Variants in FBXW10 observed in about 807,000 individuals in gnomAD.
FBXW10 encodes F-box/WD repeat-containing protein 10.
In FBXW10, 68 loss-of-function variants were observed where a neutral mutation model predicts 113.1. The observed-to-expected ratio is 0.60, with a 90% CI of 0.49 to 0.74. FBXW10 has a LOEUF of 0.74. Among genes scored for constraint, FBXW10 ranks in the 30% least tolerant of loss-of-function variants. FBXW10 has a pLI of 0.00. For synonymous variants in FBXW10, 289 were observed against 481.6 expected (o/e 0.60, Z 5.24); for missense variants, 753 against 1,284.5 (o/e 0.59, Z 6.32).
rs1198724915 is a variant in FBXW10 at position 18,770,021 on chromosome 17, A to G, written c.1942A>G (p.Met648Val). Residue 648 changes from methionine (M) to valine (V), a missense_variant, in exon 11 of 14, where the codon ATG becomes GTG. Coordinates refer to ENST00000395665, the MANE Select transcript of FBXW10 (RefSeq NM_001267585.2). ...TTACAATTTCCTCAACGGGAACTGT[A>G]TGAAGGTGTTAAAAGCCAATGGCAG... Reference protein sequence around the residue: ...RIYNFLNGNCMKVLKANGRGD... With the variant: ...RIYNFLNGNCVKVLKANGRGD... The G allele has an allele frequency of 1.9e-6, 3 of 1,614,100 alleles. No individual in the cohort carries two copies. The highest frequency in any genetic ancestry group is 2.5e-6 in the Non-Finnish European group (3 of 1,180,052).
chr17:18,755,095 G>A (rs2035233804), intron 5 of FBXW10, among the ~76,000 whole-genome samples: 1 of 149,278 alleles, frequency 6.7e-6, no homozygotes, highest in South Asian at 2.1e-4. Flanking sequence ...AAACTCCGTC[G>A]CTGCTAAAAA....
In FBXW10 at chr17:18,744,710, A is replaced by T. The variant is rs747702974; in HGVS notation, c.466A>T (p.Ile156Phe). The T allele has an allele frequency of 6.2e-7, 1 of 1,613,864 alleles. No individual in the cohort carries two copies. The highest frequency in any genetic ancestry group is 8.5e-7 in the Non-Finnish European group (1 of 1,179,800). Residue 156 changes from isoleucine (I) to phenylalanine (F), a missense_variant, in exon 1 of 14, where the codon ATC becomes TTC. Physicochemically the swap from Ile to Phe is conservative, Grantham distance 21. Transcript: ENST00000395665. ...PKLLLTAANV[I>F]RVLFLREENN... Reference sequence around the variant, plus strand: ...ATTACTGCTCACTGCTGCCAATGTGATCAGAGTCCTGTTTCTGAGAGAGGA... The same window carrying T: ...ATTACTGCTCACTGCTGCCAATGTGTTCAGAGTCCTGTTTCTGAGAGAGGA...
chr17:18,761,788 T>C (rs1022591982), intron 7 of FBXW10, among the ~76,000 whole-genome samples: 1 of 152,206 alleles, frequency 6.6e-6, no homozygotes, highest in African/African-American at 2.4e-5. Context: ...TGTACAGTTA[T>C]AATTTTATTA....
chr17:18,751,700 A>AT, intron 5 of FBXW10, among the ~76,000 whole-genome samples: 1 of 152,306 alleles, frequency 6.6e-6, no homozygotes, highest in East Asian at 1.9e-4. Flanking sequence ...CCATCAGCCC[A>AT]TGCCTCTGGA....
chr17:18,748,393 A>G (rs904700272), intron 2 of FBXW10, among the ~76,000 whole-genome samples: 22 of 135,214 alleles, frequency 1.6e-4, no homozygotes, highest in Admixed American at 1.4e-3. Flanking sequence ...CCTGGGCAAC[A>G]GAGCGAGACT....
At chr17:18,761,548 A>G (rs562474239) in intron 7 of FBXW10, among the ~76,000 whole-genome samples, 2 of 152,260 alleles carry the variant, frequency 1.3e-5, no homozygotes, top group East Asian at 1.9e-4. Flanking sequence ...TACAGGCATG[A>G]GCCACCGCGC....
chr17:18,775,550 C>A (rs903944934), intron 13 of FBXW10, among the ~76,000 whole-genome samples: 3 of 152,178 alleles, frequency 2.0e-5, no homozygotes, highest in African/African-American at 7.2e-5. Context: ...AGCTTCCTCA[C>A]TTCTTGGACT....
Position 18,756,164 on chromosome 17 carries a change from G to A in FBXW10, c.1232+10G>A. Reference sequence around the variant, plus strand: ...GCATTCTCTCTGACACGTAGGTACTGGGGTCAGAATCTGGGTCTCTAGGGA... The same window carrying A: ...GCATTCTCTCTGACACGTAGGTACTAGGGTCAGAATCTGGGTCTCTAGGGA... On this transcript the variant is annotated intron_variant, in intron 6 of 13. Coordinates refer to ENST00000395665, the MANE Select transcript of FBXW10 (RefSeq NM_001267585.2). The A allele has an allele frequency of 6.2e-7, 1 of 1,608,634 alleles. No individual in the cohort carries two copies. The highest frequency in any genetic ancestry group is 8.5e-7 in the Non-Finnish European group (1 of 1,175,854).
intron 13 of FBXW10, among the ~76,000 whole-genome samples, chr17:18,776,789 G>T (rs764461169): frequency 1.3e-4 from 20 of 152,050 alleles, no homozygotes; most frequent in Non-Finnish European, 2.5e-4. Flanking sequence ...TTTTCTTCTA[G>T]GTTGACCATT....
chr17:18,750,912 ATT>A lies in FBXW10; in HGVS notation c.1000-14_1000-13del, dbSNP rs1228399160. The A allele has an allele frequency of 1.2e-6, 2 of 1,605,468 alleles. No individual in the cohort carries two copies. Among genetic ancestry groups the A allele is most frequent in the Non-Finnish European group, 1.7e-6 (2 of 1,176,642 alleles). The stretch of plus-strand genomic sequence containing the variant: ...TTTTCTGTTTTTATTTTTATTTTTT[ATT>A]TTTTGTCTTTTTCCAGGGGTCCTAC... On this transcript the variant is annotated splice_polypyrimidine_tract_variant and intron_variant, in intron 4 of 13. Coordinates refer to ENST00000395665, the MANE Select transcript of FBXW10 (RefSeq NM_001267585.2).
At chr17:18,748,188 G>A in intron 2 of FBXW10, 83 bp downstream of exon 2, 2 of 1,580,556 alleles carry the variant, frequency 1.3e-6, no homozygotes, top group Non-Finnish European at 8.6e-7. Context: ...GGGAGGCCGA[G>A]GCAAGCAGAT....
At chr17:18,774,703 G>A (rs1035049006) in intron 12 of FBXW10, among the ~76,000 whole-genome samples, 12 of 152,336 alleles carry the variant, frequency 7.9e-5, no homozygotes, top group African/African-American at 2.6e-4. Flanking sequence ...GCTGAGGCAG[G>A]AGAATCACGT....
chr17:18,746,818 A>G (rs964572564), intron 1 of FBXW10, among the ~76,000 whole-genome samples: 9 of 152,200 alleles, frequency 5.9e-5, no homozygotes, highest in South Asian at 2.1e-4. Context: ...CACAGATGCA[A>G]TGCTCCACAG....
chr17:18,752,498 A>G (rs942912234), intron 5 of FBXW10, among the ~76,000 whole-genome samples: 3 of 152,058 alleles, frequency 2.0e-5, no homozygotes, highest in Admixed American at 1.3e-4. Context: ...GCGGATCACT[A>G]GGTCAGGAGT....
chr17:18,777,763 TG>T (rs1261209877), intron 13 of FBXW10, among the ~76,000 whole-genome samples: 2 of 151,062 alleles, frequency 1.3e-5, no homozygotes, highest in African/African-American at 4.9e-5. Flanking sequence ...CAGGATGGTC[TG>T]GATCTCCTGA....
At chr17:18,755,507 G>C (rs1248508342) in intron 5 of FBXW10, among the ~76,000 whole-genome samples, 1 of 151,826 alleles carries the variant, frequency 6.6e-6, no homozygotes, top group Non-Finnish European at 1.5e-5. Context: ...AGTGAGCTGA[G>C]ATCGCACCAC....
intron 10 of FBXW10, among the ~76,000 whole-genome samples, chr17:18,768,898 G>A (rs1461128763): frequency 1.3e-5 from 2 of 150,130 alleles, no homozygotes; most frequent in African/African-American, 4.9e-5. Context: ...TTCTTGTGAA[G>A]TAACTATAGA....
At chr17:18,750,251 T>A in intron 4 of FBXW10, 114 bp downstream of exon 4, 3 of 956,158 alleles carry the variant, frequency 3.1e-6, no homozygotes, top group Non-Finnish European at 4.6e-6. Context: ...TCCTCTACAT[T>A]TGTGGCCTTT....
chr17:18,763,965 C>T (rs1330693796), intron 7 of FBXW10, among the ~76,000 whole-genome samples: 1 of 146,148 alleles, frequency 6.8e-6, no homozygotes, highest in African/African-American at 2.6e-5. Context: ...GCACTATTGC[C>T]ATCTGGGGCT....
Sources: allele counts gnomAD v4.1 joint callset (sites outside exome capture counted in the v4.1 genomes callset), GRCh38; gene constraint gnomAD v4.1.1; transcripts MANE v1.5; gene names NCBI Gene and HGNC (gene_info 2026-07-23, HGNC 2026-07-21).